Variants in STAT2 observed in about 807,000 individuals in gnomAD.
The protein encoded by STAT2 is signal transducer and activator of transcription 2.
STAT2 carries 51 observed loss-of-function variants against 122.3 expected under a neutral mutation model. The observed-to-expected ratio is 0.42, with a 90% CI of 0.33 to 0.53. The LOEUF (loss-of-function observed/expected upper bound fraction) is 0.53. Ranked by LOEUF, STAT2 falls within the 20% of genes least tolerant of loss-of-function variation. The pLI, the probability that STAT2 is intolerant of heterozygous loss-of-function variation, is 0.10. For synonymous variants in STAT2, 351 were observed against 394.9 expected, an observed-to-expected ratio of 0.89 and a Z score of 1.32; for missense variants, 736 against 1,010.3, an observed-to-expected ratio of 0.73 and a Z score of 3.68.
At position 56,348,610 on chromosome 12, in the gene STAT2, G is replaced by A. The variant is rs1221866238; in HGVS notation, c.1643C>T (p.Pro548Leu). 6.2e-6 allele frequency: 10 copies of A among 1,614,182 alleles called. No homozygotes were observed. The highest frequency in any genetic ancestry group is 1.3e-5 in the African/African-American group (1 of 75,044). The change falls in exon 19 of 24, where the codon CCT becomes CTT. Residue 548 changes from proline to leucine, a missense_variant. Pro to Leu is a moderately conservative substitution (Grantham distance 98). Coordinates refer to ENST00000314128, the MANE Select transcript of STAT2 (RefSeq NM_005419.4). Reference sequence around the variant, plus strand: ...CCATGTCCAGAATGGTAACTTGCCAGGAGGGCTCTCTCGCTGGAGGAGGAA... The same window carrying A: ...CCATGTCCAGAATGGTAACTTGCCAAGAGGGCTCTCTCGCTGGAGGAGGAA... ...WADFTKRESP[P>L]GKLPFWTWLD... is the part of the protein sequence containing the mutation.
intron 23 of STAT2, 76 bp downstream of exon 23, chr12:56,343,749 T>C (rs1876921668): frequency 1.9e-6 from 3 of 1,577,488 alleles, no homozygotes; most frequent in Non-Finnish European, 2.6e-6. Flanking sequence ...AGTTCAGCTT[T>C]TTCTGTAATG....
chr12:56,356,208 T>C lies in STAT2; in HGVS notation c.209A>G (p.Glu70Gly). 6.2e-7 allele frequency: 1 copy of C among 1,614,002 alleles called. No individual in the cohort carries two copies. Among genetic ancestry groups the C allele is most frequent in the Non-Finnish European group, 8.5e-7 (1 of 1,180,036 alleles). Residue 70 changes from glutamate to glycine, a missense_variant, in exon 3 of 24, where the codon GAG (glutamate) becomes GGG (glycine). Transcript: ENST00000314128. ...TGGGTCCTGGCTGCAACGGCCACAC[T>C]CATAGTTCAGCTGATCCAAGAAGTG... ...FFHFLDQLNYECGRCSQDPES... is the reference protein window; with the variant it reads ...FFHFLDQLNYGCGRCSQDPES...
At position 56,346,644 on chromosome 12, in the gene STAT2, A is replaced by C. The variant is rs745996650; in HGVS notation, c.1862-20T>G. The C allele has an allele frequency of 1.2e-6, 2 of 1,613,228 alleles. No homozygotes were observed. Among genetic ancestry groups the C allele is most frequent in the South Asian group, 2.2e-5 (2 of 91,052 alleles). On this transcript the variant is annotated intron_variant, in intron 20 of 23. Transcript: ENST00000314128. ...CCTTGTCTGGAGAGTGAATGCAGGA[A>C]CAGGCGGGCTTGAGGGAAGAGGCCG...
intron 8 of STAT2, among the ~76,000 whole-genome samples, chr12:56,351,921 A>T (rs1195387372): frequency 2.0e-5 from 3 of 151,070 alleles, no homozygotes; most frequent in Admixed American, 6.6e-5. Flanking sequence ...AGACAGTCTC[A>T]CTCTCTTGTC....
chr12:56,356,636 A>G, intron 1 of STAT2, 58 bp from the exon 2 acceptor site: 2 of 1,587,806 alleles, frequency 1.3e-6, no homozygotes, highest in Non-Finnish European at 1.7e-6. Flanking sequence ...AATCATCCAT[A>G]GTTTCATGAT....
chr12:56,347,585 C>A (rs1332548288), intron 19 of STAT2, among the ~76,000 whole-genome samples: 1 of 152,016 alleles, frequency 6.6e-6, no homozygotes, highest in East Asian at 1.9e-4. Flanking sequence ...TCACTGTAAC[C>A]TTCTCTCCTG....
At chr12:56,346,998 GC>G (rs1257979330) in intron 19 of STAT2, 43 bp from the exon 20 acceptor site, 1 of 1,599,918 alleles carries the variant, frequency 6.3e-7, no homozygotes, top group African/African-American at 1.3e-5. Context: ...CCAACACCCT[GC>G]CCCACCAGGC....
rs575849039 is a variant in STAT2, at chr12:56,348,219, C to T, written c.1724+310G>A. On this transcript the variant is annotated intron_variant, in intron 19 of 23. Transcript: ENST00000314128. ...TTTCCTGCCTCAGCCTCCTGAGTAG[C>T]TGGGACTACAGGTGTCTGCCACCAC... 3.3e-5 allele frequency among the ~76,000 whole-genome samples: 5 copies of T among 151,800 alleles called. No homozygotes were observed. The East Asian group carries it at 9.8e-4, about 30-fold the overall frequency.
At position 56,348,993 on chromosome 12, in the gene STAT2, G is replaced by C; in HGVS notation, c.1507C>G (p.Gln503Glu). The change falls in exon 17 of 24, where the codon CAG becomes GAG. Residue 503 changes from glutamine (Q) to glutamate (E), a missense_variant. Transcript: ENST00000314128. ...CCTCGGCCAACATAGGAGGAGAACT[G>C]CCAACTGAGAGCAGGGCCCAGCAAG... is the stretch of plus-strand genomic sequence containing the variant. The part of the protein sequence containing the change: ...WSLLGPALSW[Q>E]FSSYVGRGLN... 1 of 1,614,002 alleles carries C rather than the reference G, an allele frequency of 6.2e-7. No homozygotes were observed. The highest frequency in any genetic ancestry group is 8.5e-7 in the Non-Finnish European group (1 of 1,179,996).
In STAT2 at chr12:56,343,884, G is replaced by A. The variant is rs1164015479; in HGVS notation, c.2354C>T (p.Pro785Leu). 6.2e-7 allele frequency: 1 copy of A among 1,614,146 alleles called. No homozygotes were observed. The highest frequency in any genetic ancestry group is 1.7e-5 in the Admixed American group (1 of 60,010). Reference sequence around the variant, plus strand: ...ACAGGGCAAATCTGGCTCTGGCACTGGCTGTGATACAGGTCCTTGGTCTGG... The same window carrying A: ...ACAGGGCAAATCTGGCTCTGGCACTAGCTGTGATACAGGTCCTTGGTCTGG... ...PEPDQGPVSQ[P>L]VPEPDLPCDL... is the part of the protein sequence containing the mutation. The change falls in exon 23 of 24, where the codon CCA becomes CTA. Residue 785 changes from proline (P) to leucine (L), a missense_variant. Pro to Leu is a moderately conservative substitution (Grantham distance 98). Coordinates refer to ENST00000314128, the MANE Select transcript of STAT2 (RefSeq NM_005419.4).
At chr12:56,350,934 T>G (rs768103941) in intron 10 of STAT2, 46 bp from the exon 11 acceptor site, 55 of 1,606,942 alleles carry the variant, frequency 3.4e-5, no homozygotes, top group Non-Finnish European at 4.6e-5. Context: ...ACCTCAACCT[T>G]CCGGATAGAC....
At chr12:56,343,598 G>C in intron 23 of STAT2, 67 bp from the exon 24 acceptor site, 1 of 1,574,738 alleles carries the variant, frequency 6.4e-7, no homozygotes, top group Non-Finnish European at 8.6e-7. Context: ...AGCAGGGAAA[G>C]GGAGGGAGGA....
Position 56,354,801 on chromosome 12 carries a change from TGA to T in STAT2, c.608_609del (p.Leu203GlnfsTer2). ...TKEQKILQET[L>X]NELDKRRKEV... ...ACCTTTCTCCTTTTGTCCAGTTCAT[TGA>T]GAGTTTCCTGCAGAATCTTCTGCTC... On this transcript the variant is annotated frameshift_variant, in exon 7 of 24. Coordinates refer to ENST00000314128, the MANE Select transcript of STAT2 (RefSeq NM_005419.4). LOFTEE classifies it high-confidence loss of function. 2 of 1,614,174 alleles carry T rather than the reference TGA, an allele frequency of 1.2e-6. No individual in the cohort carries two copies. The highest frequency in any genetic ancestry group is 2.7e-5 in the African/African-American group (2 of 75,036).
At chr12:56,354,390 C>T in intron 8 of STAT2, 76 bp downstream of exon 8, 1 of 1,598,176 alleles carries the variant, frequency 6.3e-7, no homozygotes, top group Non-Finnish European at 8.5e-7. Context: ...AACAGTATCT[C>T]TTGCTATATG....
At chr12:56,360,035 G>A in intron 1 of STAT2, 23 bp downstream of exon 1, 5 of 984,356 alleles carry the variant, frequency 5.1e-6, no homozygotes, top group Non-Finnish European at 4.8e-6. Flanking sequence ...CCCTACCCCA[G>A]CACACCCTCT....
intron 8 of STAT2, 104 bp downstream of exon 8, chr12:56,354,362 G>C: frequency 6.5e-7 from 1 of 1,545,024 alleles, no homozygotes; most frequent in Non-Finnish European, 8.8e-7. Flanking sequence ...TCATTCTGGG[G>C]AGCAGAGACA....
In STAT2 at chr12:56,341,981, C is replaced by G. The variant is rs1876649706; in HGVS notation, c.*1408G>C. The G allele has an allele frequency of 6.6e-6, 1 of 152,128 alleles. No homozygotes were observed. The allele number at this position is 152,128 out of a possible 1,614,324, so 9.4% of individuals were successfully genotyped here. A position where few individuals can be genotyped will look rare whatever the true frequency, so the allele number is the denominator to read the frequency against. ...CATTGCTTCTCCTCTGTAAAAACAC[C>G]AAACTTTATCCAATACTATAAAAAA... On this transcript the variant is annotated 3_prime_UTR_variant, in exon 24 of 24. Transcript: ENST00000314128.
chr12:56,359,625 A>G (rs989122571), intron 1 of STAT2, among the ~76,000 whole-genome samples: 2 of 152,288 alleles, frequency 1.3e-5, no homozygotes. Flanking sequence ...GCTTTTCTGA[A>G]ATGAACTGAA....
Sources: allele counts gnomAD v4.1 joint callset (sites outside exome capture counted in the v4.1 genomes callset), GRCh38; gene constraint gnomAD v4.1.1; transcripts MANE v1.5; gene names NCBI Gene and HGNC (gene_info 2026-07-23, HGNC 2026-07-21).